IMMP2L: variants seen among roughly 807,000 people sequenced by gnomAD.
IMMP2L encodes inner mitochondrial membrane peptidase subunit 2.
In IMMP2L, 18 loss-of-function variants were observed where a neutral mutation model predicts 19.3. The ratio of observed to expected loss-of-function variants is 0.93; its 90% CI spans 0.64 to 1.38. The LOEUF is 1.38. IMMP2L is among the 40% of genes most tolerant of loss of function. IMMP2L has a pLI of 0.00. For synonymous variants in IMMP2L, 76 were observed against 73.0 expected, an observed-to-expected ratio of 1.04 and a Z score of -0.21; for missense variants, 233 against 218.2, an observed-to-expected ratio of 1.07 and a Z score of -0.43.
intron 3 of IMMP2L, among the ~76,000 whole-genome samples, chr7:111,155,669 A>ATT (rs1280105881): frequency 2.0e-5 from 3 of 148,432 alleles, no homozygotes; most frequent in African/African-American, 5.0e-5. Flanking sequence ...TTTATATGCA[A>ATT]TTATATATAT....
At chr7:111,340,572 T>A (rs2081468193) in intron 3 of IMMP2L, among the ~76,000 whole-genome samples, 1 of 152,004 alleles carries the variant, frequency 6.6e-6, no homozygotes, top group Non-Finnish European at 1.5e-5. Flanking sequence ...AGAACATGTA[T>A]GTACATATCC....
At chr7:110,899,662 T>C (rs548005491) in intron 4 of IMMP2L, among the ~76,000 whole-genome samples, 1 of 152,234 alleles carries the variant, frequency 6.6e-6, no homozygotes, top group African/African-American at 2.4e-5. Context: ...TTGTTTAGAG[T>C]CAGATCTATT....
chr7:111,120,214 G>A (rs1229628240), intron 3 of IMMP2L, among the ~76,000 whole-genome samples: 6 of 152,022 alleles, frequency 3.9e-5, no homozygotes, highest in East Asian at 1.9e-4. Flanking sequence ...GCATTAATCC[G>A]TTCTCATGCT....
intron 1 of IMMP2L, among the ~76,000 whole-genome samples, chr7:111,558,308 C>G (rs978773763): frequency 6.6e-6 from 1 of 152,176 alleles, no homozygotes; most frequent in Non-Finnish European, 1.5e-5. Context: ...ATGGGTAGTT[C>G]CCCTCCAATG....
At chr7:110,693,707 TA>T (rs1303396689) in intron 5 of IMMP2L, among the ~76,000 whole-genome samples, 2 of 151,948 alleles carry the variant, frequency 1.3e-5, no homozygotes, top group Non-Finnish European at 2.9e-5. Context: ...CACCAGAAAA[TA>T]AGATGTGTTC....
chr7:110,940,315 T>C (rs1416471154), intron 4 of IMMP2L, among the ~76,000 whole-genome samples: 1 of 96,458 alleles, frequency 1.0e-5, no homozygotes, highest in Admixed American at 1.1e-4. Flanking sequence ...CTAGACTCCA[T>C]CTCAAAAAAA....
intron 4 of IMMP2L, among the ~76,000 whole-genome samples, chr7:110,906,501 G>T (rs117224178): frequency 6.6e-6 from 1 of 152,152 alleles, no homozygotes; most frequent in African/African-American, 2.4e-5. Flanking sequence ...TAGTGAATAC[G>T]AGGTTGGAAA....
chr7:111,252,043 G>GA (rs1816195978), intron 3 of IMMP2L, among the ~76,000 whole-genome samples: 2 of 151,432 alleles, frequency 1.3e-5, no homozygotes, highest in Admixed American at 6.6e-5. Flanking sequence ...CAGAAAAAAA[G>GA]AAACAGATTT....
At chr7:110,717,897 A>C (rs563564596) in intron 5 of IMMP2L, among the ~76,000 whole-genome samples, 1 of 152,304 alleles carries the variant, frequency 6.6e-6, no homozygotes, top group East Asian at 1.9e-4. Flanking sequence ...TAGAGGAGGA[A>C]GTATTATTGA....
chr7:110,799,178 G>A (rs1460247907), intron 5 of IMMP2L, among the ~76,000 whole-genome samples: 1 of 151,964 alleles, frequency 6.6e-6, no homozygotes, highest in Non-Finnish European at 1.5e-5. Flanking sequence ...TAACATTGAG[G>A]TCTTTACAAA....
chr7:111,071,564 A>T (rs1161712588), intron 3 of IMMP2L, among the ~76,000 whole-genome samples: 1 of 152,218 alleles, frequency 6.6e-6, no homozygotes, highest in Non-Finnish European at 1.5e-5. Context: ...CCATAAGAAG[A>T]AGTACTGATT....
At chr7:111,504,335 T>C (rs1240834461) in intron 2 of IMMP2L, among the ~76,000 whole-genome samples, 1 of 152,100 alleles carries the variant, frequency 6.6e-6, no homozygotes, top group Non-Finnish European at 1.5e-5. Context: ...TATAAACAAA[T>C]GGAAGGGCAT....
At chr7:110,997,088 C>T (rs1823118183) in intron 3 of IMMP2L, among the ~76,000 whole-genome samples, 1 of 152,030 alleles carries the variant, frequency 6.6e-6, no homozygotes, top group Non-Finnish European at 1.5e-5. Flanking sequence ...CTCTATTAAC[C>T]TTGGCAAGCA....
chr7:111,200,569 T>C (rs1047222666), intron 3 of IMMP2L, among the ~76,000 whole-genome samples: 1 of 151,306 alleles, frequency 6.6e-6, no homozygotes, highest in Non-Finnish European at 1.5e-5. Flanking sequence ...GAGGAAGGTA[T>C]TATTTCTGCC....
chr7:111,307,348 G>A (rs970576278), intron 3 of IMMP2L, among the ~76,000 whole-genome samples: 4 of 151,392 alleles, frequency 2.6e-5, no homozygotes, highest in African/African-American at 7.3e-5. Context: ...CAATACTGTC[G>A]AGTCACTAAG....
chr7:111,528,241 C>G (rs1847065788), intron 1 of IMMP2L, among the ~76,000 whole-genome samples: 2 of 152,130 alleles, frequency 1.3e-5, no homozygotes, highest in Admixed American at 1.3e-4. Context: ...AAAACCACCA[C>G]AGTAATAAGT....
intron 1 of IMMP2L, 51 bp from the exon 2 acceptor site, chr7:111,521,500 A>C: frequency 6.5e-7 from 1 of 1,529,398 alleles, no homozygotes; most frequent in Admixed American, 2.1e-5. Flanking sequence ...AAAGGTGAAA[A>C]ACAAAGACAT....
intron 5 of IMMP2L, among the ~76,000 whole-genome samples, chr7:110,704,741 G>A (rs936210117): frequency 6.6e-6 from 1 of 152,156 alleles, no homozygotes; most frequent in African/African-American, 2.4e-5. Context: ...AGACTATCAG[G>A]AAAAGTAAAC....
chr7:110,972,570 A>T (rs1246094474), intron 3 of IMMP2L, among the ~76,000 whole-genome samples: 1 of 151,990 alleles, frequency 6.6e-6, no homozygotes, highest in Non-Finnish European at 1.5e-5. Flanking sequence ...TCTTTTGGAG[A>T]ATGGAGGTAA....
Sources: gnomAD v4.1 joint callset for allele counts (sites outside exome capture counted in the v4.1 genomes callset) on GRCh38, gnomAD v4.1.1 for gene constraint, MANE v1.5 for transcripts, NCBI Gene and HGNC (gene_info 2026-07-23, HGNC 2026-07-21) for gene names.